Variants in STOML1 observed in about 807,000 individuals in gnomAD.
STOML1 encodes the protein stomatin like 1.
A neutral mutation model predicts 35.7 loss-of-function variants in STOML1; 27 were observed. The ratio of observed to expected loss-of-function variants is 0.76; its 90% CI spans 0.56 to 1.04. STOML1 has a LOEUF of 1.04. STOML1 is among the 50% of genes least tolerant of loss of function. STOML1 has a pLI of 0.00. For synonymous variants in STOML1, 219 were observed against 227.9 expected (o/e 0.96, Z 0.35); for missense variants, 451 against 527.1 (o/e 0.86, Z 1.41).
rs749671966 is a variant in STOML1, at chr15:73,984,721, T to C, written c.941A>G (p.Tyr314Cys). Residue 314 changes from tyrosine (Y) to cysteine (C), a missense_variant, in exon 6 of 7, where the codon TAC becomes TGC. Transcript: ENST00000541638. ...GCTGGGCAGGACGACATTGAACTGG[T>C]AGCAGGCCCCGACTTGGCTGACCAG... ...EALVSQVGAC[Y>C]QFNVVLPSGT... The C allele has an allele frequency of 1.2e-6, 2 of 1,614,040 alleles. No individual in the cohort carries two copies. The highest frequency in any genetic ancestry group is 1.7e-6 in the Non-Finnish European group (2 of 1,180,010).
chr15:73,989,003 C>T, intron 3 of STOML1, 105 bp downstream of exon 3: 7 of 1,499,986 alleles, frequency 4.7e-6, no homozygotes, highest in Non-Finnish European at 6.2e-6. Context: ...CTCTTCTTCC[C>T]CCTTCCCCCC....
chr15:73,990,593 T>C, intron 1 of STOML1, 136 bp from the exon 2 acceptor site: 2 of 930,570 alleles, frequency 2.1e-6, no homozygotes, highest in South Asian at 3.3e-5. Flanking sequence ...TCTGGCTCCT[T>C]GCCTAATATT....
upstream of STOML1, among the ~76,000 whole-genome samples, chr15:73,993,491 T>C (rs2069346344): frequency 6.6e-6 from 1 of 152,234 alleles, no homozygotes; most frequent in South Asian, 2.1e-4. Flanking sequence ...TTGGCTTTCA[T>C]GGACTGATTC....
intron 4 of STOML1, chr15:73,986,685 AGGGCTGAGAGGTGCCCACT>A (rs2069111262): frequency 6.5e-6 from 1 of 152,800 alleles, no homozygotes; most frequent in African/African-American, 2.4e-5. Context: ...ATGTAAGGGA[AGGGCTGAGAGGTGCCCACT>A]GGGCTGGCAT....
chr15:73,991,078 A>T (rs2069259970), intron 1 of STOML1: 1 of 1,234,100 alleles, frequency 8.1e-7, no homozygotes, highest in Non-Finnish European at 1.0e-6. Context: ...AGATGGCGCC[A>T]CTGCACTCCA....
chr15:73,990,482 A>G (rs1259898127), intron 1 of STOML1, 25 bp from the exon 2 acceptor site: 1 of 1,569,484 alleles, frequency 6.4e-7, no homozygotes, highest in Admixed American at 1.8e-5. Flanking sequence ...AGAGGTGGTC[A>G]ACTGGACCTG....
In STOML1 at chr15:73,989,242, C is replaced by G. The variant is rs746256656; in HGVS notation, c.256G>C (p.Glu86Gln). The G allele has an allele frequency of 6.3e-7, 1 of 1,599,478 alleles. No homozygotes were observed. The highest frequency in any genetic ancestry group is 8.5e-7 in the Non-Finnish European group (1 of 1,171,660). The change falls in exon 3 of 7, where the codon GAG becomes CAG. Residue 86 changes from glutamate to glutamine, a missense_variant. Transcript: ENST00000541638. ...WFALKIVPTY[E>Q]RMIVFRLGRI... ...CCCAGGCGGAACACAATCATCCGCT[C>G]GTAGGTGGGCACAATCTGTCCACAA...
At chr15:73,992,428 GC>G, upstream of STOML1, 2 of 463,816 alleles carry the variant, frequency 4.3e-6, no homozygotes, top group Non-Finnish European at 7.0e-6. Flanking sequence ...CCGAACTGCA[GC>G]CCAGGGCTAC....
upstream of STOML1, among the ~76,000 whole-genome samples, chr15:73,992,656 A>T (rs1452355903): frequency 6.6e-6 from 1 of 152,150 alleles, no homozygotes; most frequent in Non-Finnish European, 1.5e-5. Context: ...AAAAATTTTT[A>T]AAAATTAGCC....
chr15:73,983,902 C>T lies in STOML1; in HGVS notation c.*35G>A. 6.3e-7 allele frequency: 1 copy of T among 1,588,276 alleles called. No homozygotes were observed. The highest frequency in any genetic ancestry group is 8.6e-7 in the Non-Finnish European group (1 of 1,164,372). On this transcript the variant is annotated 3_prime_UTR_variant, in exon 7 of 7. Transcript: ENST00000541638. Reference sequence around the variant, plus strand: ...GAGGCCCCTCAGGCTTGGTGCCAGGCTTGGGACTGGGCTCTGGAAAGTCAG... The same window carrying T: ...GAGGCCCCTCAGGCTTGGTGCCAGGTTTGGGACTGGGCTCTGGAAAGTCAG...
intron 1 of STOML1, chr15:73,990,685 C>A (rs771159318): frequency 7.6e-6 from 8 of 1,054,226 alleles, no homozygotes; most frequent in Non-Finnish European, 9.7e-6. Flanking sequence ...GTCCAACAAC[C>A]CTCACAAGGC....
chr15:73,984,492 C>G (rs2069022858), intron 6 of STOML1, among the ~76,000 whole-genome samples, 167 bp downstream of exon 6: 1 of 152,210 alleles, frequency 6.6e-6, no homozygotes, highest in African/African-American at 2.4e-5. Context: ...GGCGGGGAGA[C>G]CAGGGCATAG....
At chr15:73,989,317 C>A (rs771420799) in intron 2 of STOML1, 60 bp from the exon 3 acceptor site, 7 of 1,468,614 alleles carry the variant, frequency 4.8e-6, no homozygotes, top group Non-Finnish European at 5.4e-6. Flanking sequence ...CCAATGCTGT[C>A]TGCCTAGGTC....
chr15:73,990,250 A>G, intron 2 of STOML1, 101 bp downstream of exon 2: 1 of 1,004,022 alleles, frequency 1.0e-6, no homozygotes, highest in Non-Finnish European at 1.5e-6. Flanking sequence ...AGGGGTAATA[A>G]TATTTAGGGA....
chr15:73,988,617 C>T lies in STOML1; in HGVS notation c.576G>A (p.Lys192=). Residue 192 remains lysine (K), a synonymous_variant, in exon 4 of 7, where the codon AAG becomes AAA. Transcript: ENST00000541638. This position sits in a 1 kb window ranked among gnomAD's most constrained non-coding sequence, Gnocchi z 4.8. The part of the protein sequence containing the change: ...PLREIQMEKL[K]ISDQLLLEIN... The stretch of plus-strand genomic sequence containing the variant: ...TGCCTACCAGAAGCTGGTCGCTGAT[C>T]TTGAGCTTCTCCATCTGGATCTCCC... 1 of 1,614,242 alleles carries T rather than the reference C, an allele frequency of 6.2e-7. No homozygotes were observed. The highest frequency in any genetic ancestry group is 2.2e-5 in the East Asian group (1 of 44,888).
chr15:73,990,570 T>C, intron 1 of STOML1, 113 bp from the exon 2 acceptor site: 1 of 1,034,980 alleles, frequency 9.7e-7, no homozygotes, highest in Non-Finnish European at 1.4e-6. Flanking sequence ...TCCTTCCTTC[T>C]CAGGGCTCTC....
At chr15:73,991,951 CT>C in intron 1 of STOML1, 139 bp downstream of exon 1, 1 of 1,310,790 alleles carries the variant, frequency 7.6e-7, no homozygotes, top group Non-Finnish European at 1.0e-6. Flanking sequence ...CCAGCCCCCT[CT>C]CCACATCGTA....
Position 73,979,910 on chromosome 15 carries a change from C to T in STOML1, c.*4027G>A. Reference sequence around the variant, plus strand: ...AGAGACCAGCTTGAGAAGGCCCTGTCTCTACAAAAAAAAAAAAAAAAAAAA... The same window carrying T: ...AGAGACCAGCTTGAGAAGGCCCTGTTTCTACAAAAAAAAAAAAAAAAAAAA... On this transcript the variant is annotated 3_prime_UTR_variant, in exon 7 of 7. Transcript: ENST00000541638. 1 of 108,498 alleles carries T rather than the reference C, an allele frequency of 9.2e-6. No homozygotes were observed. The highest frequency in any genetic ancestry group is 2.6e-4 in the East Asian group (1 of 3,844). The allele number at this position is 108,498 out of a possible 1,614,324, so 6.7% of individuals were successfully genotyped here.
At chr15:73,991,286 G>A (rs533031010) in intron 1 of STOML1, among the ~76,000 whole-genome samples, 106 of 152,350 alleles carry the variant, frequency 7.0e-4, no homozygotes, top group African/African-American at 2.2e-3. Context: ...GAGCAAAGCC[G>A]AGACAGCTCC....
Sources: allele counts gnomAD v4.1 joint callset (sites outside exome capture counted in the v4.1 genomes callset), GRCh38; gene constraint gnomAD v4.1.1; non-coding constraint Gnocchi (gnomAD v3.1); transcripts MANE v1.5; gene names NCBI Gene and HGNC (gene_info 2026-07-23, HGNC 2026-07-21).